Variants in FBXO25 observed in about 807,000 individuals in gnomAD.
The protein encoded by FBXO25 is F-box only protein 25.
Under a neutral mutation model 51.9 loss-of-function variants are expected in FBXO25, and 45 were observed. The observed-to-expected ratio is 0.87, with a 90% CI of 0.68 to 1.11. The LOEUF (loss-of-function observed/expected upper bound fraction) is 1.11. Among genes scored for constraint, FBXO25 ranks in the 50% most tolerant of loss-of-function variants. The pLI is 0.00. For missense variants in FBXO25, 507 were observed against 428.5 expected, an observed-to-expected ratio of 1.18 and a Z score of -1.62; for synonymous variants, 199 against 151.0, an observed-to-expected ratio of 1.32 and a Z score of -2.33.
chr8:443,141 A>C (rs1798531176), intron 5 of FBXO25, among the ~76,000 whole-genome samples: 1 of 151,070 alleles, frequency 6.6e-6, no homozygotes, highest in South Asian at 2.1e-4. Context: ...GTTTTTAAGA[A>C]AAATTGAACA....
At chr8:431,490 A>C (rs1797818291) in intron 3 of FBXO25, 46 bp downstream of exon 3, 1 of 958,004 alleles carries the variant, frequency 1.0e-6, no homozygotes, top group Admixed American at 2.6e-5. Flanking sequence ...GATTACGTTG[A>C]AATACTAAAT....
chr8:449,373 A>C (rs1158362258), intron 5 of FBXO25, among the ~76,000 whole-genome samples: 2 of 152,246 alleles, frequency 1.3e-5, no homozygotes. Context: ...GGAGACCTCT[A>C]CTTCGTGGGT....
chr8:430,844 A>T (rs1797781467), intron 2 of FBXO25, among the ~76,000 whole-genome samples: 1 of 152,206 alleles, frequency 6.6e-6, no homozygotes, highest in Non-Finnish European at 1.5e-5. Context: ...TTCCAGTTAA[A>T]TGTGTTAACA....
intron 8 of FBXO25, among the ~76,000 whole-genome samples, chr8:459,239 C>T (rs1799651560): frequency 6.6e-6 from 1 of 152,242 alleles, no homozygotes; most frequent in African/African-American, 2.4e-5. Context: ...GCATGTTGTG[C>T]TCCTCGTGGG....
At chr8:439,613 G>A (rs1798304351) in intron 5 of FBXO25, among the ~76,000 whole-genome samples, 1 of 152,200 alleles carries the variant, frequency 6.6e-6, no homozygotes, top group South Asian at 2.1e-4. Context: ...TGCTTTAGAT[G>A]TAGGCGAAGA....
At chr8:466,377 A>C (rs537653339) in intron 9 of FBXO25, among the ~76,000 whole-genome samples, 3 of 152,244 alleles carry the variant, frequency 2.0e-5, no homozygotes, top group Admixed American at 2.0e-4. Flanking sequence ...GACCCACCAC[A>C]CAGAGGAGCT....
At chr8:437,739 ATTTT>A (rs34339077) in intron 5 of FBXO25, among the ~76,000 whole-genome samples, 1 of 137,948 alleles carries the variant, frequency 7.2e-6, no homozygotes. Flanking sequence ...AGTGTGTGCT[ATTTT>A]TTTTTTTTTT....
intron 1 of FBXO25, among the ~76,000 whole-genome samples, chr8:411,869 C>G (rs1174135229): frequency 1.3e-5 from 2 of 152,166 alleles, no homozygotes; most frequent in Admixed American, 6.5e-5. Flanking sequence ...CATGCACAGT[C>G]TCACTGTGTA....
chr8:411,396 G>A (rs942484636), intron 1 of FBXO25, among the ~76,000 whole-genome samples: 1 of 151,818 alleles, frequency 6.6e-6, no homozygotes, highest in Non-Finnish European at 1.5e-5. Context: ...TATATCTGCC[G>A]ATCCCTTAAA....
chr8:446,137 C>G (rs1453196531), intron 5 of FBXO25, among the ~76,000 whole-genome samples: 6 of 151,976 alleles, frequency 3.9e-5, no homozygotes, highest in East Asian at 1.9e-4. Flanking sequence ...TGCACACTAA[C>G]GAATGTGAGG....
At chr8:408,904 T>C (rs1219360227) in intron 1 of FBXO25, among the ~76,000 whole-genome samples, 1 of 152,202 alleles carries the variant, frequency 6.6e-6, no homozygotes, top group East Asian at 1.9e-4. Flanking sequence ...CTCTTAAAAG[T>C]TTAATAATTT....
At chr8:413,484 T>G (rs1310594195) in intron 2 of FBXO25, among the ~76,000 whole-genome samples, 2 of 152,108 alleles carry the variant, frequency 1.3e-5, no homozygotes, top group Non-Finnish European at 2.9e-5. Context: ...ACATTATAGC[T>G]GAGGAACCTG....
At chr8:428,118 G>T (rs749018287) in intron 2 of FBXO25, among the ~76,000 whole-genome samples, 5 of 152,132 alleles carry the variant, frequency 3.3e-5, no homozygotes, top group South Asian at 2.1e-4. Context: ...CTTCTACTTG[G>T]AGTTGTTTTG....
At chr8:445,297 G>C (rs1227228718) in intron 5 of FBXO25, among the ~76,000 whole-genome samples, 1 of 152,146 alleles carries the variant, frequency 6.6e-6, no homozygotes, top group Non-Finnish European at 1.5e-5. Context: ...TGATATTAAA[G>C]AAATGTAGAA....
At chr8:457,951 A>G (rs11984575) in intron 7 of FBXO25, among the ~76,000 whole-genome samples, 6,401 of 152,334 alleles carry the variant, frequency 0.042, 381 homozygotes, top group African/African-American at 0.13. Flanking sequence ...GTGGTGTGGC[A>G]CAGGCCCTGC....
chr8:462,836 C>G (rs1338223762), intron 8 of FBXO25, among the ~76,000 whole-genome samples, 171 bp from the exon 9 acceptor site: 1 of 152,140 alleles, frequency 6.6e-6, no homozygotes, highest in Non-Finnish European at 1.5e-5. Flanking sequence ...AAATCCCAGA[C>G]TTCAGCACTG....
chr8:461,806 C>T (rs574650362), intron 8 of FBXO25, among the ~76,000 whole-genome samples: 46 of 152,288 alleles, frequency 3.0e-4, no homozygotes, highest in African/African-American at 8.4e-4. Context: ...GATGTCCTTA[C>T]GGCTCCATGT....
At chr8:427,845 C>T (rs920017823) in intron 2 of FBXO25, among the ~76,000 whole-genome samples, 1 of 150,860 alleles carries the variant, frequency 6.6e-6, no homozygotes, top group African/African-American at 2.4e-5. Context: ...GGAGGCTTAC[C>T]GTAGCCTGTC....
rs1433609555 is a variant in FBXO25, at chr8:435,704, C to G, written c.378C>G (p.Val126=). The change falls in exon 5 of 10, where the codon GTC becomes GTG. Residue 126 remains valine (V), a synonymous_variant. Coordinates refer to ENST00000350302, the MANE Select transcript of FBXO25 (RefSeq NM_183420.2). ...ATATCCGAAGGTTCAATTATGTGGTCAAAGTAAGTGTTCTATTTCAAAAAC... is the reference window on the plus strand; with the variant it reads ...ATATCCGAAGGTTCAATTATGTGGTGAAAGTAAGTGTTCTATTTCAAAAAC... The part of the protein sequence containing the change: ...IQDIRRFNYV[V]KLLQLIAKSQ... The G allele has an allele frequency of 1.3e-6, 2 of 1,578,320 alleles. No homozygotes were observed. The highest frequency in any genetic ancestry group is 2.2e-5 in the East Asian group (1 of 44,494).
Sources: gnomAD v4.1 joint callset for allele counts (sites outside exome capture counted in the v4.1 genomes callset) on GRCh38, gnomAD v4.1.1 for gene constraint, MANE v1.5 for transcripts, NCBI Gene and HGNC (gene_info 2026-07-23, HGNC 2026-07-21) for gene names.